GALM: variants seen among roughly 807,000 people sequenced by gnomAD.
GALM encodes the protein aldose 1-epimerase.
A neutral mutation model predicts 37.4 loss-of-function variants in GALM; 43 were observed. That is an observed-to-expected ratio of 1.15 (90% CI 0.90 to 1.48). GALM has a LOEUF of 1.48. GALM is among the 40% of genes most tolerant of loss of function. GALM has a pLI of 0.00. For synonymous variants in GALM, 199 were observed against 170.6 expected, an observed-to-expected ratio of 1.17 and a Z score of -1.30; for missense variants, 456 against 419.1, an observed-to-expected ratio of 1.09 and a Z score of -0.77.
chr2:38,718,753 CT>C (rs1178614383), intron 4 of GALM, among the ~76,000 whole-genome samples: 1 of 151,634 alleles, frequency 6.6e-6, no homozygotes, highest in East Asian at 2.0e-4. Context: ...AAGGAAGAGT[CT>C]AAAAATGAAT....
chr2:38,675,519 TTTTTTTG>T (rs1268155493), intron 1 of GALM, among the ~76,000 whole-genome samples: 4 of 109,500 alleles, frequency 3.7e-5, no homozygotes, highest in East Asian at 3.1e-4. Context: ...GGATTGAGGG[TTTTTTTG>T]TTTTTTTTTT....
intron 4 of GALM, among the ~76,000 whole-genome samples, chr2:38,690,325 A>C (rs1665643909): frequency 6.6e-6 from 1 of 152,134 alleles, no homozygotes; most frequent in South Asian, 2.1e-4. Flanking sequence ...TAAGATTAAA[A>C]AAAAATTTTT....
Position 38,675,518 on chromosome 2 carries a change from GTTTTTTTGTTTTTTT to G in GALM, c.191-386_191-372del, listed in dbSNP as rs373006311. Among the ~76,000 whole-genome samples, 36 of 104,966 alleles carry G rather than the reference GTTTTTTTGTTTTTTT, an allele frequency of 3.4e-4. 1 individual carries two copies. The East Asian group carries it at 5.6e-3, about 16-fold the overall frequency. The allele number at this position is 104,966 out of a possible 152,430, so 68.9% of individuals were successfully genotyped here. On this transcript the variant is annotated intron_variant, in intron 1 of 6. Transcript: ENST00000272252. Reference sequence around the variant, plus strand: ...CATGCAACACACCTTTGGATTGAGGGTTTTTTTGTTTTTTTTTTTTTTTTTTGTGTGTGTGTGTGT... The same window carrying G: ...CATGCAACACACCTTTGGATTGAGGGTTTTTTTTTTTGTGTGTGTGTGTGT...
chr2:38,715,007 CTAA>C (rs1236071641), intron 4 of GALM, among the ~76,000 whole-genome samples: 1 of 152,070 alleles, frequency 6.6e-6, no homozygotes, highest in East Asian at 1.9e-4. Flanking sequence ...TCCTTTAGCT[CTAA>C]TAATATTTGC....
chr2:38,725,517 CAGAA>C (rs1666467825), intron 4 of GALM, among the ~76,000 whole-genome samples: 1 of 150,968 alleles, frequency 6.6e-6, no homozygotes, highest in Non-Finnish European at 1.5e-5. Context: ...GCCTGGGTAA[CAGAA>C]CGAGACCCTC....
intron 4 of GALM, among the ~76,000 whole-genome samples, chr2:38,728,922 GT>G (rs1666540870): frequency 6.6e-6 from 1 of 152,136 alleles, no homozygotes; most frequent in African/African-American, 2.4e-5. Context: ...TTATCCTGGG[GT>G]TTTCCACCTG....
chr2:38,680,337 A>C (rs963764717), intron 2 of GALM, among the ~76,000 whole-genome samples: 15 of 152,166 alleles, frequency 9.9e-5, no homozygotes, highest in African/African-American at 3.4e-4. Context: ...AAAAAACTTT[A>C]AAAATAAACT....
rs1004219382 is a variant in GALM, at chr2:38,734,123, G to C, written c.*558G>C. The C allele has an allele frequency of 6.1e-6, 1 of 162,888 alleles. No homozygotes were observed. Among genetic ancestry groups the C allele is most frequent in the African/African-American group, 2.4e-5 (1 of 41,650 alleles). 10.1% of individuals were successfully genotyped at this position (162,888 alleles called of 1,614,324 possible). ...CTAATAAATAAAAAGTTGAGGCCGG[G>C]CACGGTGGCTCACGCCTGTAATCCC... is the stretch of plus-strand genomic sequence containing the variant. On this transcript the variant is annotated 3_prime_UTR_variant, in exon 7 of 7. Coordinates refer to ENST00000272252, the MANE Select transcript of GALM (RefSeq NM_138801.3).
At chr2:38,717,591 G>T (rs1355800638) in intron 4 of GALM, among the ~76,000 whole-genome samples, 1 of 151,968 alleles carries the variant, frequency 6.6e-6, no homozygotes, top group African/African-American at 2.4e-5. Context: ...GCAGAAACAG[G>T]GTTTTGCCGT....
At chr2:38,709,162 G>A (rs779073376) in intron 4 of GALM, among the ~76,000 whole-genome samples, 35 of 152,140 alleles carry the variant, frequency 2.3e-4, no homozygotes, top group Non-Finnish European at 2.8e-4. Context: ...GGGAAGACGC[G>A]TGGCAAGGGG....
chr2:38,684,312 T>G (rs1379339703), intron 3 of GALM, among the ~76,000 whole-genome samples: 1 of 152,022 alleles, frequency 6.6e-6, no homozygotes, highest in Non-Finnish European at 1.5e-5. Context: ...CGTTTTTTGT[T>G]TTATTTTATT....
intron 4 of GALM, among the ~76,000 whole-genome samples, chr2:38,724,378 G>A: frequency 6.6e-6 from 1 of 152,168 alleles, no homozygotes; most frequent in East Asian, 1.9e-4. Context: ...CCTGGCTATA[G>A]AGGTTAGAAT....
intron 4 of GALM, 81 bp downstream of exon 4, chr2:38,689,975 C>T (rs568968874): frequency 6.6e-6 from 5 of 753,882 alleles, no homozygotes; most frequent in Non-Finnish European, 1.1e-5. Flanking sequence ...GTGGAGAAAG[C>T]GGTGAAATCT....
intron 4 of GALM, among the ~76,000 whole-genome samples, chr2:38,707,984 G>C (rs1057247410): frequency 6.6e-6 from 1 of 152,092 alleles, no homozygotes; most frequent in African/African-American, 2.4e-5. Flanking sequence ...GCACACACCT[G>C]TAATCCAAGC....
chr2:38,689,939 G>C, intron 4 of GALM, 45 bp downstream of exon 4: 1 of 1,118,096 alleles, frequency 8.9e-7, no homozygotes, highest in South Asian at 1.3e-5. Flanking sequence ...TCATGGATTG[G>C]CTCTCGAGGC....
At chr2:38,716,204 G>T (rs1666266650) in intron 4 of GALM, among the ~76,000 whole-genome samples, 2 of 152,212 alleles carry the variant, frequency 1.3e-5, no homozygotes, top group Non-Finnish European at 2.9e-5. Context: ...TTTCCCTGCA[G>T]CTTCTGAAAG....
intron 4 of GALM, among the ~76,000 whole-genome samples, chr2:38,727,811 AC>A (rs1308253160): frequency 3.9e-5 from 6 of 152,182 alleles, no homozygotes; most frequent in African/African-American, 1.4e-4. Context: ...GCATTTAGGA[AC>A]CCACAAAAGC....
At chr2:38,702,506 C>G (rs1665939930) in intron 4 of GALM, among the ~76,000 whole-genome samples, 1 of 151,970 alleles carries the variant, frequency 6.6e-6, no homozygotes, top group Non-Finnish European at 1.5e-5. Flanking sequence ...TGCTACATGA[C>G]CCTTACCCTC....
Position 38,734,367 on chromosome 2 carries a change from G to C in GALM, c.*802G>C, listed in dbSNP as rs995467853. 4.9e-5 allele frequency: 5 copies of C among 101,524 alleles called. No individual in the cohort carries two copies. Among genetic ancestry groups the C allele is most frequent in the East Asian group, 3.4e-4 (1 of 2,952 alleles). 6.3% of individuals were successfully genotyped at this position (101,524 alleles called of 1,614,324 possible). A position where few individuals can be genotyped will look rare whatever the true frequency, so the allele number is the denominator to read the frequency against. On this transcript the variant is annotated 3_prime_UTR_variant, in exon 7 of 7. Coordinates refer to ENST00000272252, the MANE Select transcript of GALM (RefSeq NM_138801.3). ...GATCATGCCACTGCACTGGGCAACA[G>C]AGCAAAACTCGATCTCAAAAAAAAA...
Sources: gnomAD v4.1 joint callset for allele counts (sites outside exome capture counted in the v4.1 genomes callset) on GRCh38, gnomAD v4.1.1 for gene constraint, MANE v1.5 for transcripts, NCBI Gene and HGNC (gene_info 2026-07-23, HGNC 2026-07-21) for gene names.